Variants in GCKR observed in about 807,000 individuals in gnomAD.
The protein encoded by GCKR is glucokinase regulatory protein.
GCKR carries 73 observed loss-of-function variants against 82.9 expected under a neutral mutation model. That is an observed-to-expected ratio of 0.88 (90% CI 0.73 to 1.07). The LOEUF is 1.07. Among genes scored for constraint, GCKR ranks in the 50% least tolerant of loss-of-function variants. The pLI is 0.00. For synonymous variants in GCKR, 294 were observed against 291.8 expected, an observed-to-expected ratio of 1.01 and a Z score of -0.08; for missense variants, 784 against 782.1, an observed-to-expected ratio of 1.00 and a Z score of -0.03.
intron 8 of GCKR, 104 bp from the exon 9 acceptor site, chr2:27,503,410 C>G (rs1669632073): frequency 1.4e-6 from 1 of 737,832 alleles, no homozygotes; most frequent in Admixed American, 2.0e-5. Context: ...TTGTTGACCT[C>G]TGACCTCAAT....
At position 27,518,796 on chromosome 2, in the gene GCKR, G is replaced by T. The variant is rs766927049; in HGVS notation, c.1431G>T (p.Gln477His). The T allele has an allele frequency of 3.7e-6, 6 of 1,613,554 alleles. No homozygotes were observed. The highest frequency in any genetic ancestry group is 1.3e-5 in the African/African-American group (1 of 75,028). ...EYEGNFIQKF[Q>H]RELSTKWVLN... Reference sequence around the variant, plus strand: ...GTGTCTGCCCTTTTCAGAAGTTCCAGCGTGAGCTAAGCACCAAATGGGTGC... The same window carrying T: ...GTGTCTGCCCTTTTCAGAAGTTCCATCGTGAGCTAAGCACCAAATGGGTGC... Residue 477 changes from glutamine to histidine, a missense_variant, in exon 17 of 19, where the codon CAG becomes CAT. Gln to His is a conservative substitution (Grantham distance 24). Coordinates refer to ENST00000264717, the MANE Select transcript of GCKR (RefSeq NM_001486.4).
At chr2:27,498,683 T>A in intron 4 of GCKR, 41 bp from the exon 5 acceptor site, 1 of 1,211,362 alleles carries the variant, frequency 8.3e-7, no homozygotes, top group Non-Finnish European at 1.2e-6. Flanking sequence ...AATTGTTTCT[T>A]CTCTGTCATT....
chr2:27,505,449 G>A (rs1669701986), intron 9 of GCKR, among the ~76,000 whole-genome samples: 1 of 147,800 alleles, frequency 6.8e-6, no homozygotes, highest in Non-Finnish European at 1.5e-5. Context: ...GAAAAGAAAA[G>A]CACTCTGAAA....
chr2:27,507,770 C>T lies in GCKR; in HGVS notation c.1233C>T (p.Thr411=). The T allele has an allele frequency of 6.4e-7, 1 of 1,572,148 alleles. No homozygotes were observed. The highest frequency in any genetic ancestry group is 8.8e-7 in the Non-Finnish European group (1 of 1,141,876). ...TEIDTVVFIF[T]LDDNLTEVQT... The stretch of plus-strand genomic sequence containing the variant: ...TCGATACTGTGGTCTTCATTTTCAC[C>T]CTGGATGGTGAGAGGGAAGATGGGA... Residue 411 remains threonine, a synonymous_variant, in exon 14 of 19, where the codon ACC becomes ACT. Transcript: ENST00000264717.
intron 11 of GCKR, 25 bp downstream of exon 11, chr2:27,506,604 G>A: frequency 1.3e-6 from 2 of 1,503,964 alleles, no homozygotes; most frequent in South Asian, 1.1e-5. Context: ...GTTTAGAGGT[G>A]AGGATGTGGC....
chr2:27,499,403 G>GATTGTCA lies in GCKR; in HGVS notation c.502_503insATTGTCA (p.Ala168AspfsTer52). On this transcript the variant is annotated frameshift_variant, in exon 7 of 19. Coordinates refer to ENST00000264717, the MANE Select transcript of GCKR (RefSeq NM_001486.4). LOFTEE classifies it high-confidence loss of function. ...GTCCATCCTCCTCTCCTAGGTGGCT[G>GATTGTCA]CCGGGAAGAAGAGAGTGATTGTCAT... is the stretch of plus-strand genomic sequence containing the variant. 1.2e-6 allele frequency: 2 copies of GATTGTCA among 1,612,056 alleles called. No homozygotes were observed. The highest frequency in any genetic ancestry group is 1.3e-5 in the African/African-American group (1 of 74,996).
intron 16 of GCKR, among the ~76,000 whole-genome samples, chr2:27,509,263 C>T (rs1219515757): frequency 6.6e-6 from 1 of 152,198 alleles, no homozygotes; most frequent in Non-Finnish European, 1.5e-5. Context: ...CACTGACTTA[C>T]CTGGACTCAG....
At chr2:27,522,961 C>T (rs111882222) in intron 18 of GCKR, among the ~76,000 whole-genome samples, 1,670 of 150,648 alleles carry the variant, frequency 0.011, 20 homozygotes, top group Non-Finnish European at 0.018. Context: ...TGCAGTGGCG[C>T]GATCTCGGCT....
Position 27,501,144 on chromosome 2 carries a change from G to A in GCKR, c.559G>A (p.Val187Met). ...GISVGLSAPFVAGQMDCCMNN... is the reference protein window; with the variant it reads ...GISVGLSAPFMAGQMDCCMNN... ...CTCTCTTCACCATCAGGCTCCCTTTGTGGCAGGCCAGATGGACTGCTGCAT... is the reference window on the plus strand; with the variant it reads ...CTCTCTTCACCATCAGGCTCCCTTTATGGCAGGCCAGATGGACTGCTGCAT... The change falls in exon 8 of 19, where the codon GTG (valine) becomes ATG (methionine). Residue 187 changes from valine (V) to methionine (M), a missense_variant. Val to Met is a conservative substitution (Grantham distance 21, BLOSUM62 1). Transcript: ENST00000264717. 1.9e-6 allele frequency: 3 copies of A among 1,612,798 alleles called. No individual in the cohort carries two copies. The highest frequency in any genetic ancestry group is 2.5e-6 in the Non-Finnish European group (3 of 1,178,776).
At position 27,503,584 on chromosome 2, in the gene GCKR, A is replaced by G. The variant is rs1254434515; in HGVS notation, c.715A>G (p.Lys239Glu). ...AGAGCGGATGCAGAAAATGCAGGAG[A>G]AACAGAAAGCTTTTGTGCTCAATCC... Reference protein sequence around the residue: ...VAERMQKMQEKQKAFVLNPAI... With the variant: ...VAERMQKMQEEQKAFVLNPAI... Residue 239 changes from lysine to glutamate, a missense_variant, in exon 9 of 19, where the codon AAA becomes GAA. Coordinates refer to ENST00000264717, the MANE Select transcript of GCKR (RefSeq NM_001486.4). 1 of 1,610,312 alleles carries G rather than the reference A, an allele frequency of 6.2e-7. No homozygotes were observed. Among genetic ancestry groups the G allele is most frequent in the South Asian group, 1.1e-5 (1 of 90,996 alleles).
At chr2:27,522,381 A>G in intron 17 of GCKR, 79 bp from the exon 18 acceptor site, 1 of 1,439,128 alleles carries the variant, frequency 6.9e-7, no homozygotes, top group South Asian at 1.1e-5. Context: ...TCACTCTCAT[A>G]GTTTATTCTT....
chr2:27,503,563 C>A lies in GCKR; in HGVS notation c.694C>A (p.Arg232=). 1.2e-6 allele frequency: 2 copies of A among 1,610,972 alleles called. No individual in the cohort carries two copies. Among genetic ancestry groups the A allele is most frequent in the Non-Finnish European group, 8.5e-7 (1 of 1,177,120 alleles). ...WSSTFRQVAE[R]MQKMQEKQKA... ...TTCAACATTCCGACAAGTAGCAGAG[C>A]GGATGCAGAAAATGCAGGAGAAACA... Residue 232 remains arginine, a synonymous_variant, in exon 9 of 19, where the codon CGG becomes AGG. Transcript: ENST00000264717.
At chr2:27,505,106 G>A (rs1270052361) in intron 9 of GCKR, among the ~76,000 whole-genome samples, 784 of 102,532 alleles carry the variant, frequency 7.6e-3, no homozygotes, top group Middle Eastern at 0.057. Context: ...AGCCTGGGTG[G>A]CAGAGTGAGA....
chr2:27,501,887 A>G (rs1256852067), intron 8 of GCKR: 4 of 390,868 alleles, frequency 1.0e-5, no homozygotes, highest in Admixed American at 6.5e-5. Flanking sequence ...ACAAAAAAAT[A>G]AAGAAGATTC....
intron 6 of GCKR, 30 bp from the exon 7 acceptor site, chr2:27,499,367 T>C: frequency 6.3e-7 from 1 of 1,578,710 alleles, no homozygotes; most frequent in Non-Finnish European, 8.7e-7. Flanking sequence ...TCCTCCCAGT[T>C]ACACTACCTT....
rs756422845 is a variant in GCKR, at chr2:27,506,524, G to A, written c.913G>A (p.Val305Met). ...GCGGACATTTGAGCGAGCTCATCAG[G>A]TGACCTACAGCCAAAGCCCCAAGAT... The part of the protein sequence containing the change: ...ILRTFERAHQ[V>M]TYSQSPKIAT... The change falls in exon 11 of 19, where the codon GTG (valine) becomes ATG (methionine). Residue 305 changes from valine to methionine, a missense_variant. Coordinates refer to ENST00000264717, the MANE Select transcript of GCKR (RefSeq NM_001486.4). 1 of 1,614,006 alleles carries A rather than the reference G, an allele frequency of 6.2e-7. No homozygotes were observed. Among genetic ancestry groups the A allele is most frequent in the Admixed American group, 1.7e-5 (1 of 60,014 alleles).
At chr2:27,497,122 T>C (rs771300692) in intron 1 of GCKR, 122 bp from the exon 2 acceptor site, 6 of 1,252,944 alleles carry the variant, frequency 4.8e-6, no homozygotes, top group Non-Finnish European at 7.0e-6. Flanking sequence ...GTTTCTGGTG[T>C]GGTATGTGTG....
rs1294237644 is a variant in GCKR, at chr2:27,506,959, C to T, written c.1066+74C>T. 5.1e-6 allele frequency: 5 copies of T among 982,482 alleles called. No individual in the cohort carries two copies. The Admixed American group carries it at 8.5e-5, about 17-fold the overall frequency. 60.9% of individuals were successfully genotyped at this position (982,482 alleles called of 1,614,324 possible). A position where few individuals can be genotyped will look rare whatever the true frequency, so the allele number is the denominator to read the frequency against. On this transcript the variant is annotated intron_variant, in intron 12 of 18. Transcript: ENST00000264717. ...ATTCGGGCTGCTCTCCAAACACTGT[C>T]CTACTCCCAACCCATGGGTGTTCCT...
chr2:27,514,641 A>G (rs928756845), intron 16 of GCKR, among the ~76,000 whole-genome samples: 1 of 152,228 alleles, frequency 6.6e-6, no homozygotes, highest in African/African-American at 2.4e-5. Context: ...GCAATCTCCT[A>G]TGTAGGACAT....
Sources: allele counts gnomAD v4.1 joint callset (sites outside exome capture counted in the v4.1 genomes callset), GRCh38; gene constraint gnomAD v4.1.1; transcripts MANE v1.5; gene names NCBI Gene and HGNC (gene_info 2026-07-23, HGNC 2026-07-21).